The following ALDH1L2 variants were observed in gnomAD, a reference collection of about 807,000 sequenced individuals.
ALDH1L2 encodes aldehyde dehydrogenase 1 family member L2.
A neutral mutation model predicts 111.0 loss-of-function variants in ALDH1L2; 91 were observed. The observed-to-expected ratio is 0.82, with a 90% CI of 0.69 to 0.98. The LOEUF (loss-of-function observed/expected upper bound fraction) is 0.98. Among genes scored for constraint, ALDH1L2 ranks in the 50% least tolerant of loss-of-function variants. The pLI is 0.00. For synonymous variants in ALDH1L2, 374 were observed against 392.6 expected, an observed-to-expected ratio of 0.95 and a Z score of 0.56; for missense variants, 995 against 1,126.8, an observed-to-expected ratio of 0.88 and a Z score of 1.67.
At chr12:105,031,714 C>A in intron 20 of ALDH1L2, 55 bp downstream of exon 20, 1 of 1,583,468 alleles carries the variant, frequency 6.3e-7, no homozygotes, top group Non-Finnish European at 8.6e-7. Context: ...CTGTCGCTGT[C>A]CATTCCAACT....
chr12:105,036,542 A>G (rs866322911), intron 18 of ALDH1L2, among the ~76,000 whole-genome samples: 1 of 44,894 alleles, frequency 2.2e-5, no homozygotes, highest in African/African-American at 1.4e-4. Flanking sequence ...ATATATATAT[A>G]TATATATATA....
At chr12:105,041,526 A>G (rs976034553) in intron 15 of ALDH1L2, among the ~76,000 whole-genome samples, 1 of 152,226 alleles carries the variant, frequency 6.6e-6, no homozygotes, top group African/African-American at 2.4e-5. Context: ...TATTTTATAC[A>G]TTGTAGTTAA....
intron 19 of ALDH1L2, among the ~76,000 whole-genome samples, chr12:105,032,202 G>A (rs1874748244): frequency 7.0e-6 from 1 of 142,960 alleles, no homozygotes. Context: ...TTTTGAGGTG[G>A]AGTCTTATTT....
chr12:105,070,547 A>G, intron 3 of ALDH1L2, 23 bp downstream of exon 3: 3 of 1,579,710 alleles, frequency 1.9e-6, no homozygotes, highest in Non-Finnish European at 2.6e-6. Context: ...TCAAAAAAAA[A>G]AAGTAAAAAG....
rs71069786 is a variant in ALDH1L2 at position 105,064,114 on chromosome 12, C to CTT, written c.787-1094_787-1093dup. Among the ~76,000 whole-genome samples, 2 of 35,124 alleles carry CTT rather than the reference C, an allele frequency of 5.7e-5. 1 individual carries two copies. The highest frequency in any genetic ancestry group is 1.1e-4 in the Non-Finnish European group (2 of 18,600). The allele number at this position is 35,124 out of a possible 152,430, so 23.0% of individuals were successfully genotyped here. A position where few individuals can be genotyped will look rare whatever the true frequency, so the allele number is the denominator to read the frequency against. On this transcript the variant is annotated intron_variant, in intron 6 of 22. Coordinates refer to ENST00000258494, the MANE Select transcript of ALDH1L2 (RefSeq NM_001034173.4). Reference sequence around the variant, plus strand: ...TACAGGCACATGCCACCACACCGAGCTTTTTTTTTTTTTTTTTTTTTTTTT... The same window carrying CTT: ...TACAGGCACATGCCACCACACCGAGCTTTTTTTTTTTTTTTTTTTTTTTTTTT...
intron 1 of ALDH1L2, among the ~76,000 whole-genome samples, chr12:105,080,723 C>A (rs1348947141): frequency 6.6e-6 from 1 of 152,166 alleles, no homozygotes; most frequent in Non-Finnish European, 1.5e-5. Flanking sequence ...ATCTGAAAAT[C>A]TGAAATCCAA....
At chr12:105,079,012 G>A (rs766175109) in intron 1 of ALDH1L2, among the ~76,000 whole-genome samples, 8 of 152,236 alleles carry the variant, frequency 5.3e-5, no homozygotes, top group Non-Finnish European at 1.2e-4. Context: ...TGAAGACAAT[G>A]AGATTCACTG....
chr12:105,067,215 CAAAAAAAAAA>C (rs11334156), intron 4 of ALDH1L2, among the ~76,000 whole-genome samples: 37 of 97,242 alleles, frequency 3.8e-4, no homozygotes, highest in Non-Finnish European at 6.6e-4. Flanking sequence ...GACTCTGTCT[CAAAAAAAAAA>C]AAAAAAAAAA....
chr12:105,048,635 G>A (rs1304285852), intron 13 of ALDH1L2: 1 of 152,192 alleles, frequency 6.6e-6, no homozygotes, highest in Non-Finnish European at 1.5e-5. Context: ...TGGAGCTAGT[G>A]TTGTTGCCGT....
In ALDH1L2 at chr12:105,026,749, G is replaced by A. The variant is rs377700876; in HGVS notation, c.2517-5C>T. On this transcript the variant is annotated splice_region_variant and splice_polypyrimidine_tract_variant and intron_variant, in intron 21 of 22. Transcript: ENST00000258494. ...TGCAACACTCCATCGATGTCCCTGT[G>A]TTTTTAGGAAGACATAAAACTTCAT... is the stretch of plus-strand genomic sequence containing the variant. 1.6e-4 allele frequency: 257 copies of A among 1,613,082 alleles called. No individual in the cohort carries two copies. Among genetic ancestry groups the A allele is most frequent in the Admixed American group, 2.2e-4 (13 of 59,834 alleles).
At chr12:105,038,911 C>CT (rs1875351743) in intron 17 of ALDH1L2, among the ~76,000 whole-genome samples, 1 of 152,172 alleles carries the variant, frequency 6.6e-6, no homozygotes, top group African/African-American at 2.4e-5. Flanking sequence ...TCTAACCAGA[C>CT]TACCGAAGCA....
intron 6 of ALDH1L2, 102 bp downstream of exon 6, chr12:105,065,165 A>T: frequency 2.9e-6 from 2 of 701,122 alleles, no homozygotes; most frequent in Non-Finnish European, 4.9e-6. Flanking sequence ...GACCTGCCTC[A>T]TGACCAAGGA....
chr12:105,071,646 T>A (rs12821368), intron 2 of ALDH1L2, among the ~76,000 whole-genome samples: 187 of 15,348 alleles, frequency 0.012, 1 homozygote, highest in Non-Finnish European at 0.014. Flanking sequence ...ATATATATTT[T>A]TTTTTTTTTT....
Position 105,030,150 on chromosome 12 carries a change from A to G in ALDH1L2, c.2516+174T>C, listed in dbSNP as rs115564011. 614 of 426,806 alleles carry G rather than the reference A, an allele frequency of 1.4e-3. 7 individuals are homozygous for G. The highest frequency in any genetic ancestry group is 0.012 in the African/African-American group (580 of 49,128). The allele number at this position is 426,806 out of a possible 1,614,324, so 26.4% of individuals were successfully genotyped here. A position where few individuals can be genotyped will look rare whatever the true frequency, so the allele number is the denominator to read the frequency against. The stretch of plus-strand genomic sequence containing the variant: ...AATTGAAGCTGAAAAGCAAAAATAT[A>G]CTATGATCTACGATGGTTAGCAAAA... On this transcript the variant is annotated intron_variant, in intron 21 of 22. Coordinates refer to ENST00000258494, the MANE Select transcript of ALDH1L2 (RefSeq NM_001034173.4).
chr12:105,074,479 A>AAAAAG (rs1877928819), intron 1 of ALDH1L2, among the ~76,000 whole-genome samples: 6 of 149,410 alleles, frequency 4.0e-5, no homozygotes, highest in African/African-American at 1.5e-4. Flanking sequence ...AAAAAAAAAA[A>AAAAAG]AAAAGAAAAG....
At chr12:105,066,501 T>C (rs1877361949) in intron 5 of ALDH1L2, 67 bp downstream of exon 5, 2 of 1,441,070 alleles carry the variant, frequency 1.4e-6, no homozygotes, top group East Asian at 4.7e-5. Context: ...TCATAGTATG[T>C]GGGGAACTAC....
chr12:105,039,709 A>G lies in ALDH1L2; in HGVS notation c.2045+4T>C. On this transcript the variant is annotated splice_donor_region_variant and intron_variant, in intron 17 of 22. Coordinates refer to ENST00000258494, the MANE Select transcript of ALDH1L2 (RefSeq NM_001034173.4). ...GCAGTGAATCAACATTTTAAAACCAATACCTCTTCATGATCTGTTTGCCAA... is the reference window on the plus strand; with the variant it reads ...GCAGTGAATCAACATTTTAAAACCAGTACCTCTTCATGATCTGTTTGCCAA... 1.2e-6 allele frequency: 2 copies of G among 1,612,972 alleles called. No individual in the cohort carries two copies. The highest frequency in any genetic ancestry group is 1.1e-5 in the South Asian group (1 of 91,028).
intron 19 of ALDH1L2, among the ~76,000 whole-genome samples, chr12:105,032,502 G>A (rs1405075932): frequency 7.9e-5 from 12 of 152,064 alleles, no homozygotes; most frequent in African/African-American, 2.9e-4. Context: ...GCCTCCCAAA[G>A]TGCTGGGATT....
intron 6 of ALDH1L2, among the ~76,000 whole-genome samples, chr12:105,063,316 A>T (rs954016312): frequency 1.3e-5 from 2 of 152,128 alleles, no homozygotes; most frequent in African/African-American, 4.8e-5. Context: ...CTCTACTAAA[A>T]ATACAAAAAA....
Sources: gnomAD v4.1 joint callset for allele counts (sites outside exome capture counted in the v4.1 genomes callset) on GRCh38, gnomAD v4.1.1 for gene constraint, MANE v1.5 for transcripts, NCBI Gene and HGNC (gene_info 2026-07-23, HGNC 2026-07-21) for gene names.